Variants in ANKRD44 observed in about 807,000 individuals in gnomAD.
ANKRD44 encodes the protein serine/threonine-protein phosphatase 6 regulatory ankyrin repeat subunit B.
A neutral mutation model predicts 116.0 loss-of-function variants in ANKRD44; 35 were observed. That is an observed-to-expected ratio of 0.30 (90% CI 0.23 to 0.40). The LOEUF (loss-of-function observed/expected upper bound fraction) is 0.40, where lower values mean the gene tolerates loss of function less well. Among genes scored for constraint, ANKRD44 ranks in the 10% least tolerant of loss-of-function variants. The pLI is 1.00. For missense variants in ANKRD44, 1,014 were observed against 1,242.6 expected (o/e 0.82, Z 2.77); for synonymous variants, 435 against 461.8 (o/e 0.94, Z 0.74).
intron 1 of ANKRD44, among the ~76,000 whole-genome samples, chr2:197,207,327 A>G (rs1435185583): frequency 2.0e-5 from 3 of 152,218 alleles, no homozygotes; most frequent in Non-Finnish European, 2.9e-5. Flanking sequence ...CATTGTTTAA[A>G]TCACAGCCAC....
At position 197,104,961 on chromosome 2, in the gene ANKRD44, T is replaced by C. The variant is rs994585123; in HGVS notation, c.986-5031A>G. 5.3e-5 allele frequency among the ~76,000 whole-genome samples: 8 copies of C among 152,272 alleles called. No homozygotes were observed. The East Asian group carries it at 1.2e-3, about 22-fold the overall frequency. On this transcript the variant is annotated intron_variant, in intron 9 of 27. Coordinates refer to ENST00000282272, the MANE Select transcript of ANKRD44 (RefSeq NM_001195144.2). ...ACTTGCTGCCAGTAAGTTTACCCAT[T>C]TGGGGGTCTGCAACTTAATAGCTGT...
intron 3 of ANKRD44, among the ~76,000 whole-genome samples, chr2:197,139,059 G>A (rs2079291767): frequency 1.3e-5 from 2 of 152,220 alleles, no homozygotes; most frequent in South Asian, 4.1e-4. Flanking sequence ...GGAGCAACAG[G>A]AAAACTTAAC....
intron 2 of ANKRD44, chr2:197,148,035 C>A: frequency 3.5e-6 from 1 of 289,418 alleles, no homozygotes; most frequent in Non-Finnish European, 7.1e-6. Context: ...TGAAAGGCAG[C>A]ATGGTAACAT....
intron 9 of ANKRD44, among the ~76,000 whole-genome samples, chr2:197,102,681 A>G (rs1172314627): frequency 6.6e-6 from 1 of 152,168 alleles, no homozygotes; most frequent in Non-Finnish European, 1.5e-5. Context: ...CAATACTGAT[A>G]TCTAAACCAT....
chr2:197,017,361 A>T (rs1001971455), intron 17 of ANKRD44, among the ~76,000 whole-genome samples: 21 of 152,222 alleles, frequency 1.4e-4, no homozygotes, highest in African/African-American at 4.8e-4. Context: ...TAATAAATGC[A>T]TGGACTTATT....
chr2:197,022,755 T>C (rs2076521841), intron 17 of ANKRD44, among the ~76,000 whole-genome samples: 1 of 152,178 alleles, frequency 6.6e-6, no homozygotes. Context: ...TTACAGCTAC[T>C]CAGGAGGTTA....
chr2:197,140,942 G>A (rs377691018), intron 3 of ANKRD44, among the ~76,000 whole-genome samples: 1 of 152,110 alleles, frequency 6.6e-6, no homozygotes, highest in Non-Finnish European at 1.5e-5. Context: ...TAGGCCGAGC[G>A]CGGTGGCTCA....
chr2:197,058,013 T>C (rs1244772009), intron 16 of ANKRD44, among the ~76,000 whole-genome samples: 3 of 152,234 alleles, frequency 2.0e-5, no homozygotes, highest in East Asian at 3.8e-4. Context: ...TTCCTGCATT[T>C]CTGCCAGCTC....
intron 9 of ANKRD44, among the ~76,000 whole-genome samples, chr2:197,101,877 AT>A (rs1206059341): frequency 6.6e-6 from 1 of 152,102 alleles, no homozygotes; most frequent in Non-Finnish European, 1.5e-5. Context: ...GCTTTCAAAT[AT>A]TTTTACTGGG....
At chr2:197,263,334 T>A (rs1244729048) in intron 1 of ANKRD44, 2 of 538,682 alleles carry the variant, frequency 3.7e-6, no homozygotes, top group African/African-American at 7.1e-5. Flanking sequence ...GCCAAGTTCA[T>A]TGGGGCTGGG....
Position 197,274,000 on chromosome 2 carries a change from T to TAG in ANKRD44, c.27+36577_27+36578insCT, listed in dbSNP as rs1559208570. On this transcript the variant is annotated intron_variant, in intron 1 of 27. Coordinates refer to ENST00000282272, the MANE Select transcript of ANKRD44 (RefSeq NM_001195144.2). ...AAAAAAATATATATATATATATATA[T>TAG]ATATATATATATATATATATATATA... 1.1e-4 allele frequency among the ~76,000 whole-genome samples: 6 copies of TAG among 54,416 alleles called. 1 individual carries two copies. The highest frequency in any genetic ancestry group is 4.7e-4 in the East Asian group (1 of 2,116). 35.7% of individuals were successfully genotyped at this position (54,416 alleles called of 152,430 possible). A position where few individuals can be genotyped will look rare whatever the true frequency, so the allele number is the denominator to read the frequency against.
chr2:197,169,892 A>T lies in ANKRD44; in HGVS notation c.111+17131T>A, dbSNP rs182131570. Among the ~76,000 whole-genome samples the T allele has an allele frequency of 4.8e-3, 734 of 152,142 alleles. 5 individuals are homozygous for T. The highest frequency in any genetic ancestry group is 0.016 in the African/African-American group (662 of 41,484). The stretch of plus-strand genomic sequence containing the variant: ...TCATCCCAGCTGTTAAAAATTTTTT[A>T]AAAAAAAGAGGGAGGAGGCCAGGTA... On this transcript the variant is annotated intron_variant, in intron 2 of 27. Transcript: ENST00000282272.
At chr2:197,306,430 C>T (rs1185522092) in intron 1 of ANKRD44, among the ~76,000 whole-genome samples, 1 of 152,182 alleles carries the variant, frequency 6.6e-6, no homozygotes, top group African/African-American at 2.4e-5. Flanking sequence ...AGACATGATT[C>T]ACTGCAAAGG....
At chr2:197,301,978 T>C (rs1291351646) in intron 1 of ANKRD44, among the ~76,000 whole-genome samples, 2 of 152,190 alleles carry the variant, frequency 1.3e-5, no homozygotes, top group Non-Finnish European at 2.9e-5. Flanking sequence ...AGAAAGGGAC[T>C]CACTGAGAAG....
chr2:197,264,555 C>T (rs1387944865), intron 1 of ANKRD44, among the ~76,000 whole-genome samples: 2 of 152,176 alleles, frequency 1.3e-5, no homozygotes, highest in African/African-American at 4.8e-5. Context: ...GAAGTCAGAG[C>T]TGCAACAAAT....
chr2:197,297,280 A>G (rs769811485), intron 1 of ANKRD44, among the ~76,000 whole-genome samples: 6 of 152,226 alleles, frequency 3.9e-5, no homozygotes, highest in Admixed American at 1.3e-4. Flanking sequence ...GAAATTCCAT[A>G]CAAAAATAAA....
chr2:197,000,363 G>A, intron 23 of ANKRD44, 56 bp downstream of exon 23: 11 of 1,406,948 alleles, frequency 7.8e-6, no homozygotes, highest in Non-Finnish European at 1.1e-5. Flanking sequence ...CTCTGCAACT[G>A]CAAAGCAGAG....
At chr2:197,259,344 T>C (rs1007843037) in intron 1 of ANKRD44, among the ~76,000 whole-genome samples, 11 of 152,074 alleles carry the variant, frequency 7.2e-5, no homozygotes, top group Non-Finnish European at 1.5e-4. Context: ...GAACACAACA[T>C]AGCAACAGAC....
intron 2 of ANKRD44, among the ~76,000 whole-genome samples, chr2:197,181,406 C>T (rs1309743536): frequency 6.6e-6 from 1 of 152,162 alleles, no homozygotes; most frequent in Admixed American, 6.5e-5. Context: ...ATTAATGATA[C>T]TTTAAAAAAC....
Sources: allele counts gnomAD v4.1 joint callset (sites outside exome capture counted in the v4.1 genomes callset), GRCh38; gene constraint gnomAD v4.1.1; transcripts MANE v1.5; gene names NCBI Gene and HGNC (gene_info 2026-07-23, HGNC 2026-07-21).